Variants in ADGRL2 observed in about 807,000 individuals in gnomAD.
ADGRL2 encodes the protein adhesion G protein-coupled receptor L2, also known as calcium-independent alpha-latrotoxin receptor 2.
In ADGRL2, 44 loss-of-function variants were observed where a neutral mutation model predicts 157.4. The observed-to-expected ratio is 0.28, with a 90% CI of 0.22 to 0.36. The LOEUF is 0.36. ADGRL2 is among the 10% of genes least tolerant of loss of function. ADGRL2 has a pLI of 1.00. For synonymous variants in ADGRL2, 585 were observed against 624.7 expected (o/e 0.94, Z 0.95); for missense variants, 1,510 against 1,768.9 (o/e 0.85, Z 2.63).
intron 2 of ADGRL2, among the ~76,000 whole-genome samples, chr1:81,869,048 G>A (rs1031054742): frequency 1.3e-5 from 2 of 152,134 alleles, no homozygotes; most frequent in African/African-American, 4.8e-5. Context: ...AAAGAAAATA[G>A]TTTAGAGATG....
intron 2 of ADGRL2, among the ~76,000 whole-genome samples, chr1:81,519,092 G>A (rs12069619): frequency 1.3e-5 from 2 of 152,162 alleles, no homozygotes; most frequent in African/African-American, 2.4e-5. Flanking sequence ...GAGATTATGC[G>A]TATGTCCAAG....
At chr1:81,650,167 C>G (rs760463893) in intron 3 of ADGRL2, among the ~76,000 whole-genome samples, 11 of 152,020 alleles carry the variant, frequency 7.2e-5, no homozygotes, top group Non-Finnish European at 1.0e-4. Flanking sequence ...CCCTTTCTGT[C>G]TTGTTCTTCA....
chr1:81,343,087 C>CTTTTTTTTTTTTTTTTTTTTTTTTTTT lies in ADGRL2; in HGVS notation c.-302+36582_-302+36583insTTTTTTTTTTTTTTTTTTTTTTTTTTT, dbSNP rs764039251. 2.4e-5 allele frequency among the ~76,000 whole-genome samples: 3 copies of CTTTTTTTTTTTTTTTTTTTTTTTTTTT among 127,490 alleles called. 1 individual carries two copies. The highest frequency in any genetic ancestry group is 5.9e-5 in the African/African-American group (2 of 34,034). The allele number at this position is 127,490 out of a possible 152,430, so 83.6% of individuals were successfully genotyped here. The stretch of plus-strand genomic sequence containing the variant: ...TTTTTCTTTTCTTTTTTTCTTTTTT[C>CTTTTTTTTTTTTTTTTTTTTTTTTTTT]TTTTCTTTTTTTTTTTTTTGAGACA... On this transcript the variant is annotated intron_variant, in intron 1 of 24. Transcript: ENST00000370721.
At position 81,601,144 on chromosome 1, in the gene ADGRL2, CA is replaced by C. The variant is rs900984874; in HGVS notation, c.-143+20172del. ...TTATAAACCTCAACACATTGAAGAC[CA>C]AAAAAAATAAATCATTAAGTAGCAT... On this transcript the variant is annotated intron_variant, in intron 3 of 24. Coordinates refer to the ADGRL2 transcript ENST00000370721. Among the ~76,000 whole-genome samples, 8 of 151,718 alleles carry C rather than the reference CA, an allele frequency of 5.3e-5. No homozygotes were observed. In the East Asian group the frequency reaches 9.7e-4, roughly 18 times the overall value.
chr1:81,505,897 T>A, intron 2 of ADGRL2: 1 of 325,542 alleles, frequency 3.1e-6, no homozygotes, highest in Non-Finnish European at 6.0e-6. Context: ...TTCATTAAAA[T>A]CATGTAAAAA....
At chr1:81,704,705 T>C (rs1187334048) in intron 1 of ADGRL2, among the ~76,000 whole-genome samples, 1 of 152,218 alleles carries the variant, frequency 6.6e-6, no homozygotes, top group Non-Finnish European at 1.5e-5. Context: ...ATAGAGAATG[T>C]TGAAGATTTT....
At chr1:81,921,271 A>C (rs2148603603) in intron 3 of ADGRL2, among the ~76,000 whole-genome samples, 1 of 152,322 alleles carries the variant, frequency 6.6e-6, no homozygotes, top group Non-Finnish European at 1.5e-5. Context: ...TACTTTAAGT[A>C]TTATAATACT....
At chr1:81,639,179 C>A (rs1158888732) in intron 3 of ADGRL2, among the ~76,000 whole-genome samples, 1 of 152,178 alleles carries the variant, frequency 6.6e-6, no homozygotes, top group African/African-American at 2.4e-5. Context: ...AAGCCATTCT[C>A]CTGCCTCAGG....
At chr1:81,459,692 GTA>G (rs774273688) in intron 2 of ADGRL2, among the ~76,000 whole-genome samples, 15 of 150,646 alleles carry the variant, frequency 1.0e-4, no homozygotes, top group Admixed American at 9.3e-4. Context: ...ACATACATGT[GTA>G]TATATATATA....
At chr1:81,521,029 C>T (rs1044511665) in intron 2 of ADGRL2, among the ~76,000 whole-genome samples, 11 of 152,148 alleles carry the variant, frequency 7.2e-5, no homozygotes, top group African/African-American at 2.7e-4. Flanking sequence ...GTTTCACACA[C>T]CATTTTATTC....
intron 1 of ADGRL2, among the ~76,000 whole-genome samples, chr1:81,440,093 G>A (rs113215191): frequency 1.2e-4 from 18 of 152,278 alleles, no homozygotes; most frequent in East Asian, 5.8e-4. Flanking sequence ...AGGTGCGTAC[G>A]ACAATGTAGA....
chr1:81,747,081 TGTGTATATAC>T (rs2085302211), intron 1 of ADGRL2, among the ~76,000 whole-genome samples: 2 of 146,464 alleles, frequency 1.4e-5, no homozygotes, highest in African/African-American at 5.0e-5. Flanking sequence ...TATGTATATA[TGTGTATATAC>T]GTAATATATA....
At chr1:81,831,404 C>T (rs767278584) in intron 1 of ADGRL2, among the ~76,000 whole-genome samples, 1 of 152,058 alleles carries the variant, frequency 6.6e-6, no homozygotes, top group Admixed American at 6.6e-5. Context: ...AAAATCAACT[C>T]GCTATTCTTT....
chr1:81,977,838 G>A (rs1333623898), intron 17 of ADGRL2, among the ~76,000 whole-genome samples: 2 of 151,552 alleles, frequency 1.3e-5, no homozygotes, highest in African/African-American at 4.8e-5. Flanking sequence ...TCAGAAGTTT[G>A]GGATAAAAGA....
intron 2 of ADGRL2, among the ~76,000 whole-genome samples, chr1:81,532,942 T>TTCTA (rs10554439): frequency 0.18 from 26,443 of 150,086 alleles, 2,506 homozygotes; most frequent in Non-Finnish European, 0.21. Context: ...CAACAAAAAA[T>TTCTA]TCTATCTATC....
intron 1 of ADGRL2, among the ~76,000 whole-genome samples, chr1:81,706,824 G>T (rs2083752218): frequency 6.6e-6 from 1 of 152,088 alleles, no homozygotes. Flanking sequence ...GAGAACATTA[G>T]CTGTCACAAT....
At chr1:81,513,310 C>T (rs879750107) in intron 2 of ADGRL2, among the ~76,000 whole-genome samples, 6 of 152,090 alleles carry the variant, frequency 3.9e-5, no homozygotes, top group Admixed American at 3.3e-4. Flanking sequence ...TTTGAATAGA[C>T]AATGGGTGTT....
intron 19 of ADGRL2, 86 bp downstream of exon 19, chr1:81,982,062 C>T (rs1572504805): frequency 2.3e-5 from 24 of 1,065,798 alleles, no homozygotes; most frequent in Non-Finnish European, 2.8e-5. Context: ...TTTTAAGTCA[C>T]ATCTGGCATA....
chr1:81,846,431 T>C (rs3790944), intron 2 of ADGRL2, among the ~76,000 whole-genome samples: 41,958 of 142,066 alleles, frequency 0.3, 6,487 homozygotes, highest in East Asian at 0.68. Flanking sequence ...TGTCCCACCA[T>C]GAAGATGAAG....
Sources: gnomAD v4.1 joint callset for allele counts (sites outside exome capture counted in the v4.1 genomes callset) on GRCh38, gnomAD v4.1.1 for gene constraint, MANE v1.5 for transcripts, NCBI Gene and HGNC (gene_info 2026-07-23, HGNC 2026-07-21) for gene names.